Variants in SH3KBP1 observed in about 807,000 individuals in gnomAD.
The protein encoded by SH3KBP1 is SH3 domain-containing kinase-binding protein 1.
A neutral mutation model predicts 50.1 loss-of-function variants in SH3KBP1; 8 were observed. The observed-to-expected ratio is 0.16, with a 90% CI of 0.09 to 0.29. SH3KBP1 has a LOEUF of 0.29. SH3KBP1 is among the 10% of genes least tolerant of loss of function. SH3KBP1 has a pLI of 1.00. For missense variants in SH3KBP1, 377 were observed against 535.2 expected (o/e 0.70, Z 2.92); for synonymous variants, 227 against 218.6 (o/e 1.04, Z -0.34).
At chrX:19,582,474 G>T (rs2066406822) in intron 12 of SH3KBP1, among the ~76,000 whole-genome samples, 1 of 111,832 alleles carries the variant, frequency 8.9e-6, no homozygotes, top group African/African-American at 3.3e-5. Context: ...TCAGTTCTAT[G>T]ACCTTCATTC....
chrX:19,604,466 A>C (rs1288029569), intron 9 of SH3KBP1, among the ~76,000 whole-genome samples: 1 of 111,796 alleles, frequency 8.9e-6, no homozygotes. Flanking sequence ...ATGCCTACGG[A>C]GTCAAGAGGC....
At chrX:19,882,247 C>T (rs898292170) in intron 1 of SH3KBP1, among the ~76,000 whole-genome samples, 6 of 111,143 alleles carry the variant, frequency 5.4e-5, no homozygotes, top group Non-Finnish European at 9.4e-5. Flanking sequence ...GTCAGAATAA[C>T]ATTCCCTCCC....
At chrX:19,668,935 AATATATATATATATATATATAT>A (rs56844238) in intron 6 of SH3KBP1, among the ~76,000 whole-genome samples, 6 of 32,862 alleles carry the variant, frequency 1.8e-4, no homozygotes, top group East Asian at 1.8e-3. Flanking sequence ...GATTGAGGGT[AATATATATATATATATATATAT>A]ATATATATAT....
chrX:19,643,300 A>ATTTTTTTTTTTTTTTT lies in SH3KBP1; in HGVS notation c.802+2099_802+2100insAAAAAAAAAAAAAAAA, dbSNP rs201544483. ...AGTGTGTGTGGGCTGAAACTGAAGAATTTTTTATTTTTTTTTTTTTTATTT... is the reference window on the plus strand; with the variant it reads ...AGTGTGTGTGGGCTGAAACTGAAGAATTTTTTTTTTTTTTTTTTTTTTATTTTTTTTTTTTTTATTT... On this transcript the variant is annotated intron_variant, in intron 7 of 17. Transcript: ENST00000397821. Among the ~76,000 whole-genome samples, 17 of 86,908 alleles carry ATTTTTTTTTTTTTTTT rather than the reference A, an allele frequency of 2.0e-4. 3 individuals are homozygous for ATTTTTTTTTTTTTTTT. Among genetic ancestry groups the ATTTTTTTTTTTTTTTT allele is most frequent in the African/African-American group, 8.6e-4 (15 of 17,408 alleles). 75.5% of individuals were successfully genotyped at this position (86,908 alleles called of 115,157 possible). A position where few individuals can be genotyped will look rare whatever the true frequency, so the allele number is the denominator to read the frequency against.
In SH3KBP1 at chrX:19,692,065, C is replaced by G. The variant is rs1292096522; in HGVS notation, c.520+3547G>C. 2.7e-5 allele frequency among the ~76,000 whole-genome samples: 3 copies of G among 111,309 alleles called. No homozygotes were observed. In the Admixed American group the frequency reaches 2.9e-4, roughly 11 times the overall value. On this transcript the variant is annotated intron_variant, in intron 5 of 17. Coordinates refer to ENST00000397821, the MANE Select transcript of SH3KBP1 (RefSeq NM_031892.3). ...ATAAGAATCTTTTTTGAAAAACTACCTTTAAGGTTTCATAAGTTCTGAAAA... is the reference window on the plus strand; with the variant it reads ...ATAAGAATCTTTTTTGAAAAACTACGTTTAAGGTTTCATAAGTTCTGAAAA...
At chrX:19,650,957 A>C (rs1235483715) in intron 6 of SH3KBP1, among the ~76,000 whole-genome samples, 1 of 112,239 alleles carries the variant, frequency 8.9e-6, no homozygotes, top group African/African-American at 3.2e-5. Flanking sequence ...ACAGTTATCT[A>C]TATATGACCA....
At chrX:19,573,391 A>G (rs1457633860) in intron 12 of SH3KBP1, among the ~76,000 whole-genome samples, 1 of 110,921 alleles carries the variant, frequency 9.0e-6, no homozygotes, top group East Asian at 2.8e-4. Context: ...GGTTTCAGCA[A>G]CTCTCCTGTC....
intron 2 of SH3KBP1, among the ~76,000 whole-genome samples, chrX:19,760,464 A>T (rs2065386632): frequency 9.1e-6 from 1 of 110,122 alleles, no homozygotes; most frequent in Admixed American, 9.7e-5. Context: ...AGGTACTTCT[A>T]GAGAGAAGGA....
chrX:19,692,689 A>ATTTTTTTT (rs1186773036), intron 5 of SH3KBP1, among the ~76,000 whole-genome samples: 1 of 75,085 alleles, frequency 1.3e-5, no homozygotes, highest in African/African-American at 5.5e-5. Context: ...ATATATATAT[A>ATTTTTTTT]TTTTTTTTTT....
At chrX:19,765,823 T>C (rs1485857992) in intron 2 of SH3KBP1, among the ~76,000 whole-genome samples, 1 of 112,177 alleles carries the variant, frequency 8.9e-6, no homozygotes, top group African/African-American at 3.2e-5. Flanking sequence ...TGTCCTTTTG[T>C]GACTGGCTTC....
intron 16 of SH3KBP1, among the ~76,000 whole-genome samples, chrX:19,541,075 C>T (rs1390665340): frequency 9.0e-6 from 1 of 111,307 alleles, no homozygotes; most frequent in Non-Finnish European, 1.9e-5. Flanking sequence ...CCACCACGCC[C>T]AACTAATTTT....
chrX:19,882,793 A>G (rs1475544099), intron 1 of SH3KBP1, among the ~76,000 whole-genome samples: 1 of 111,769 alleles, frequency 8.9e-6, no homozygotes, highest in Non-Finnish European at 1.9e-5. Context: ...GATGCTGGGA[A>G]GTGCCTGTGT....
At chrX:19,590,798 C>T (rs1037223342) in intron 11 of SH3KBP1, among the ~76,000 whole-genome samples, 3 of 100,712 alleles carry the variant, frequency 3.0e-5, no homozygotes, top group South Asian at 4.8e-4. Flanking sequence ...CACAGGCCAC[C>T]AGGCCTGGCT....
chrX:19,701,877 T>C lies in SH3KBP1; in HGVS notation c.390+5004A>G, dbSNP rs1229838459. Among the ~76,000 whole-genome samples, 3 of 112,342 alleles carry C rather than the reference T, an allele frequency of 2.7e-5. No homozygotes were observed. The Admixed American group carries it at 2.8e-4, about 11-fold the overall frequency. The stretch of plus-strand genomic sequence containing the variant: ...TAAATCCCACAGCTATGCAAATCTA[T>C]TATAAATACCTTTAAACTTGCAAAT... On this transcript the variant is annotated intron_variant, in intron 4 of 17. Transcript: ENST00000397821.
chrX:19,702,601 G>A (rs1433926325), intron 4 of SH3KBP1, among the ~76,000 whole-genome samples: 1 of 110,068 alleles, frequency 9.1e-6, no homozygotes, highest in East Asian at 2.8e-4. Flanking sequence ...AGGAAAAGTG[G>A]CTCCTTTCCC....
At position 19,857,944 on chromosome X, in the gene SH3KBP1, C is replaced by T. The variant is rs1391850077; in HGVS notation, c.5-21662G>A. On this transcript the variant is annotated intron_variant, in intron 1 of 17. Transcript: ENST00000397821. Reference sequence around the variant, plus strand: ...CTGTAATCCTACCATTTCAGGAGGCCGAGGCGGGTGGATCACTTGAGGTCA... The same window carrying T: ...CTGTAATCCTACCATTTCAGGAGGCTGAGGCGGGTGGATCACTTGAGGTCA... Among the ~76,000 whole-genome samples, 4 of 111,005 alleles carry T rather than the reference C, an allele frequency of 3.6e-5. No homozygotes were observed. The East Asian group carries it at 1.1e-3, about 31-fold the overall frequency.
intron 1 of SH3KBP1, among the ~76,000 whole-genome samples, chrX:19,882,422 G>C (rs1364296271): frequency 9.0e-6 from 1 of 111,595 alleles, no homozygotes; most frequent in African/African-American, 3.3e-5. Context: ...ATGGAAAAGA[G>C]GGGCAGAAGA....
At chrX:19,856,168 T>C (rs899559819) in intron 1 of SH3KBP1, among the ~76,000 whole-genome samples, 1 of 110,666 alleles carries the variant, frequency 9.0e-6, no homozygotes, top group African/African-American at 3.3e-5. Flanking sequence ...CCCACAGAAG[T>C]AGACATGAAA....
intron 3 of SH3KBP1, among the ~76,000 whole-genome samples, chrX:19,729,676 C>T (rs1603133107): frequency 2.7e-5 from 3 of 111,369 alleles, no homozygotes; most frequent in East Asian, 2.8e-4. Flanking sequence ...TATACCCACA[C>T]CCTAAGGGCC....
Sources: gnomAD v4.1 joint callset for allele counts (sites outside exome capture counted in the v4.1 genomes callset) on GRCh38, gnomAD v4.1.1 for gene constraint, MANE v1.5 for transcripts, NCBI Gene and HGNC (gene_info 2026-07-23, HGNC 2026-07-21) for gene names.